The following CPM variants were observed in gnomAD, a reference collection of about 807,000 sequenced individuals.
The protein encoded by CPM is carboxypeptidase M, also known as renal carboxypeptidase.
In CPM, 35 loss-of-function variants were observed where a neutral mutation model predicts 46.4. The ratio of observed to expected loss-of-function variants is 0.75; its 90% CI spans 0.58 to 1.00. The LOEUF is 1.00. CPM is among the 50% of genes least tolerant of loss of function. CPM has a pLI of 0.00. For synonymous variants in CPM, 195 were observed against 195.3 expected (o/e 1.00, Z 0.01); for missense variants, 422 against 530.4 (o/e 0.80, Z 2.01).
chr12:68,949,704 T>C (rs1275034280), intron 1 of CPM, among the ~76,000 whole-genome samples: 2 of 152,128 alleles, frequency 1.3e-5, no homozygotes, highest in Non-Finnish European at 1.5e-5. Context: ...GTGTATTAGG[T>C]TGTTGAATTA....
At chr12:68,842,225 T>C (rs1387050256) in exon 6 of CPM, 1 of 498,902 alleles carries the variant, frequency 2.0e-6, no homozygotes. Flanking sequence ...TGCCAAGCTA[T>C]ATTTATAATG....
chr12:68,929,139 A>T lies in CPM; in HGVS notation c.160+3539T>A, dbSNP rs550474164. On this transcript the variant is annotated intron_variant, in intron 2 of 8. Coordinates refer to ENST00000551568, the MANE Select transcript of CPM (RefSeq NM_198320.5). ...CCCTCAACACAAGGGTTCATTTTTT[A>T]AAAAAATAATAAAATGTTCCTAAAC... is the stretch of plus-strand genomic sequence containing the variant. Among the ~76,000 whole-genome samples, 7 of 152,144 alleles carry T rather than the reference A, an allele frequency of 4.6e-5. No homozygotes were observed. In the South Asian group the frequency reaches 1.2e-3, roughly 27 times the overall value.
rs141809246 is a variant in CPM, at chr12:68,932,706, G to A, written c.132C>T (p.His44=). 68 of 1,614,212 alleles carry A rather than the reference G, an allele frequency of 4.2e-5. No homozygotes were observed. The African/African-American group carries it at 8.3e-4, about 20-fold the overall frequency. ...TCACAGATTTCCCAATACTGTGTAA[G>A]TGAGTGACAGAACTGTAGTTTTGGG... ...TVAQNYSSVT[H]LHSIGKSVKG... is the part of the protein sequence containing the mutation. The change falls in exon 2 of 9, where the codon CAC becomes CAT. Residue 44 remains histidine, a synonymous_variant. Transcript: ENST00000551568.
intron 1 of CPM, among the ~76,000 whole-genome samples, chr12:68,960,492 T>C (rs763807429): frequency 3.9e-5 from 6 of 152,322 alleles, no homozygotes; most frequent in Non-Finnish European, 8.8e-5. Context: ...AAAATCAGTA[T>C]GACCATTGTG....
intron 2 of CPM, among the ~76,000 whole-genome samples, chr12:68,893,034 G>T (rs1886719031): frequency 6.6e-6 from 1 of 151,284 alleles, no homozygotes; most frequent in South Asian, 2.1e-4. Flanking sequence ...TTAAAACCTA[G>T]ATGACAGGTT....
At chr12:68,871,626 A>T in intron 4 of CPM, 158 bp downstream of exon 4, 1 of 757,074 alleles carries the variant, frequency 1.3e-6, no homozygotes, top group Non-Finnish European at 2.2e-6. Context: ...AGCCGGAGGC[A>T]GCCCTGATGT....
chr12:68,923,204 T>C (rs937782831), intron 2 of CPM, among the ~76,000 whole-genome samples: 4 of 147,748 alleles, frequency 2.7e-5, no homozygotes, highest in Non-Finnish European at 6.0e-5. Context: ...TGTGTGTGTG[T>C]GTGTGTGTGT....
chr12:68,926,861 A>G (rs913453875), intron 2 of CPM, among the ~76,000 whole-genome samples: 2 of 152,004 alleles, frequency 1.3e-5, no homozygotes, highest in African/African-American at 2.4e-5. Context: ...ATGATTTCCA[A>G]TTTCATCCAT....
chr12:68,925,316 T>C (rs2136313150), intron 2 of CPM, among the ~76,000 whole-genome samples: 1 of 152,330 alleles, frequency 6.6e-6, no homozygotes, highest in Admixed American at 6.5e-5. Flanking sequence ...TAGCAGCTTT[T>C]ACATAGCACT....
At chr12:68,879,115 G>T (rs143662829) in intron 3 of CPM, among the ~76,000 whole-genome samples, 38 of 152,284 alleles carry the variant, frequency 2.5e-4, no homozygotes, top group African/African-American at 8.4e-4. Context: ...TTGGACCCAG[G>T]TGTTTGAGGT....
chr12:68,933,019 A>G, intron 1 of CPM, 123 bp downstream of exon 1: 1 of 552,100 alleles, frequency 1.8e-6, no homozygotes, highest in South Asian at 2.4e-5. Flanking sequence ...AGAGACCGGG[A>G]GCACGGGCAG....
At chr12:68,871,996 G>C (rs1256935941) in intron 3 of CPM, 40 bp from the exon 4 acceptor site, 13 of 1,608,146 alleles carry the variant, frequency 8.1e-6, no homozygotes, top group East Asian at 6.7e-5. Flanking sequence ...TATTAGGTCA[G>C]AGGCAATAAG....
intron 2 of CPM, among the ~76,000 whole-genome samples, chr12:68,926,795 T>C (rs1888282095): frequency 6.6e-6 from 1 of 152,044 alleles, no homozygotes; most frequent in Non-Finnish European, 1.5e-5. Context: ...TTCCCACCTA[T>C]GAGTGAGAAT....
At chr12:68,921,084 C>A (rs1450354874) in intron 2 of CPM, among the ~76,000 whole-genome samples, 1 of 151,798 alleles carries the variant, frequency 6.6e-6, no homozygotes, top group African/African-American at 2.4e-5. Context: ...TGTGACAGAC[C>A]CTTGAATTAT....
intron 2 of CPM, among the ~76,000 whole-genome samples, chr12:68,921,516 T>C (rs1415881263): frequency 6.6e-6 from 1 of 152,056 alleles, no homozygotes; most frequent in African/African-American, 2.4e-5. Context: ...TCTTATTACA[T>C]GTTTGGTCAG....
At chr12:68,872,018 C>T (rs1885722857) in intron 3 of CPM, 62 bp from the exon 4 acceptor site, 1 of 1,561,820 alleles carries the variant, frequency 6.4e-7, no homozygotes, top group African/African-American at 1.4e-5. Flanking sequence ...AAAGCACTCC[C>T]TACGGTACAA....
intron 1 of CPM, among the ~76,000 whole-genome samples, chr12:68,951,781 G>A (rs1888939170): frequency 2.0e-5 from 3 of 152,170 alleles, no homozygotes; most frequent in Non-Finnish European, 4.4e-5. Context: ...GAATAACCTA[G>A]ACTGGCTGTG....
chr12:68,858,448 A>C (rs1456982030), intron 8 of CPM, among the ~76,000 whole-genome samples: 1 of 152,206 alleles, frequency 6.6e-6, no homozygotes, highest in Non-Finnish European at 1.5e-5. Flanking sequence ...GGGCTGCAAA[A>C]TATGTTTATC....
chr12:68,864,450 C>T (rs559563263), intron 7 of CPM, among the ~76,000 whole-genome samples: 1 of 151,866 alleles, frequency 6.6e-6, no homozygotes, highest in Admixed American at 6.6e-5. Context: ...GTCTCAAAAA[C>T]AAAAAAACAA....
Sources: allele counts gnomAD v4.1 joint callset (sites outside exome capture counted in the v4.1 genomes callset), GRCh38; gene constraint gnomAD v4.1.1; transcripts MANE v1.5; gene names NCBI Gene and HGNC (gene_info 2026-07-23, HGNC 2026-07-21).